The following HECW1 variants were observed in gnomAD, a reference collection of about 807,000 sequenced individuals.
HECW1 encodes HECT, C2 and WW domain containing E3 ubiquitin protein ligase 1.
HECW1 carries 61 observed loss-of-function variants against 182.3 expected under a neutral mutation model. That is an observed-to-expected ratio of 0.33 (90% CI 0.27 to 0.41). The LOEUF (loss-of-function observed/expected upper bound fraction) is 0.41. Ranked by LOEUF, HECW1 falls within the 10% of genes least tolerant of loss-of-function variation. The pLI, the probability that HECW1 is intolerant of heterozygous loss-of-function variation, is 1.00. For missense variants in HECW1, 1,739 were observed against 2,108.9 expected, an observed-to-expected ratio of 0.82 and a Z score of 3.44; for synonymous variants, 859 against 832.6, an observed-to-expected ratio of 1.03 and a Z score of -0.55.
intron 2 of HECW1, among the ~76,000 whole-genome samples, chr7:43,198,378 C>T (rs549472371): frequency 4.0e-5 from 6 of 149,936 alleles, no homozygotes; most frequent in Admixed American, 1.3e-4. Flanking sequence ...CTCACACACA[C>T]GTCTTACACA....
intron 6 of HECW1, among the ~76,000 whole-genome samples, chr7:43,375,467 A>G (rs1473791471): frequency 6.6e-6 from 1 of 152,220 alleles, no homozygotes; most frequent in Non-Finnish European, 1.5e-5. Flanking sequence ...GAAACTAATT[A>G]CTTATAAAGA....
At chr7:43,139,945 AGTT>A (rs1199902977) in intron 2 of HECW1, among the ~76,000 whole-genome samples, 2 of 152,188 alleles carry the variant, frequency 1.3e-5, no homozygotes, top group African/African-American at 4.8e-5. Context: ...CTTGGTGATA[AGTT>A]GTTGTAAGTA....
Position 43,508,142 on chromosome 7 carries a change from A to G in HECW1, c.3866+11A>G, listed in dbSNP as rs948199723. 8 of 1,598,006 alleles carry G rather than the reference A, an allele frequency of 5.0e-6. No individual in the cohort carries two copies. The highest frequency in any genetic ancestry group is 3.3e-5 in the Admixed American group (2 of 59,956). The stretch of plus-strand genomic sequence containing the variant: ...TGTTGGAGAGGAGGGGTGAGGCACC[A>G]GGAGTTTTATGCAGACACCTAAGCA... On this transcript the variant is annotated intron_variant, in intron 23 of 29. Transcript: ENST00000395891.
intron 15 of HECW1, among the ~76,000 whole-genome samples, 168 bp from the exon 16 acceptor site, chr7:43,468,752 G>T (rs186849695): frequency 2.0e-5 from 3 of 152,246 alleles, no homozygotes; most frequent in Non-Finnish European, 4.4e-5. Flanking sequence ...GAATTCCTGG[G>T]TGTTTACTTC....
At chr7:43,357,145 C>T (rs984272008) in intron 5 of HECW1, among the ~76,000 whole-genome samples, 3 of 152,114 alleles carry the variant, frequency 2.0e-5, no homozygotes. Flanking sequence ...TAAATTAGTA[C>T]AGCCACTATG....
chr7:43,334,304 C>T (rs1054575886), intron 5 of HECW1, among the ~76,000 whole-genome samples: 1 of 152,198 alleles, frequency 6.6e-6, no homozygotes, highest in Non-Finnish European at 1.5e-5. Context: ...ATGGTGCCAG[C>T]TACATTGTCC....
At chr7:43,462,579 T>C (rs1040306741) in intron 13 of HECW1, among the ~76,000 whole-genome samples, 6 of 152,308 alleles carry the variant, frequency 3.9e-5, no homozygotes, top group Middle Eastern at 3.4e-3. Flanking sequence ...GGGGTGGGGC[T>C]GGCAGTCTGT....
At chr7:43,237,242 A>G (rs925757884) in intron 2 of HECW1, among the ~76,000 whole-genome samples, 1 of 152,132 alleles carries the variant, frequency 6.6e-6, no homozygotes, top group African/African-American at 2.4e-5. Context: ...GTTCTGGGGA[A>G]AAGGGACATT....
At chr7:43,359,772 A>G (rs1031767542) in intron 5 of HECW1, among the ~76,000 whole-genome samples, 2 of 152,230 alleles carry the variant, frequency 1.3e-5, no homozygotes, top group African/African-American at 2.4e-5. Context: ...AAATTTCCAT[A>G]TTTGAGAAAA....
chr7:43,473,390 C>T (rs2078098692), intron 16 of HECW1, among the ~76,000 whole-genome samples: 1 of 152,074 alleles, frequency 6.6e-6, no homozygotes, highest in Non-Finnish European at 1.5e-5. Context: ...AAGCCATTCT[C>T]CAGATGGATC....
intron 5 of HECW1, among the ~76,000 whole-genome samples, chr7:43,331,292 A>T (rs987637008): frequency 2.2e-4 from 34 of 152,190 alleles, no homozygotes; most frequent in African/African-American, 8.2e-4. Context: ...AGCTTCATCC[A>T]TGTAAGATCG....
rs113429370 is a variant in HECW1 at position 43,325,572 on chromosome 7, C to T, written c.460+4830C>T. Among the ~76,000 whole-genome samples the T allele has an allele frequency of 4.6e-5, 7 of 152,302 alleles. 1 individual carries two copies. The highest frequency in any genetic ancestry group is 1.7e-4 in the African/African-American group (7 of 41,564). On this transcript the variant is annotated intron_variant, in intron 5 of 29. Coordinates refer to ENST00000395891, the MANE Select transcript of HECW1 (RefSeq NM_015052.5). ...GTGTGTCTGGACTGACCTCTGATTACAGCAAAAAGAGACCACTGCCAAAGG... is the reference window on the plus strand; with the variant it reads ...GTGTGTCTGGACTGACCTCTGATTATAGCAAAAAGAGACCACTGCCAAAGG...
chr7:43,249,741 C>G (rs573139282), intron 3 of HECW1, among the ~76,000 whole-genome samples: 1 of 152,184 alleles, frequency 6.6e-6, no homozygotes, highest in African/African-American at 2.4e-5. Context: ...GGATTTTGTT[C>G]AAGCAAAGGA....
intron 2 of HECW1, among the ~76,000 whole-genome samples, chr7:43,137,564 ATTTG>A (rs1459748859): frequency 5.7e-4 from 83 of 144,428 alleles, no homozygotes; most frequent in African/African-American, 2.1e-3. Context: ...TTATTTATTT[ATTTG>A]AGACAGGGTC....
At chr7:43,191,197 A>T (rs1793889450) in intron 2 of HECW1, among the ~76,000 whole-genome samples, 1 of 152,204 alleles carries the variant, frequency 6.6e-6, no homozygotes, top group African/African-American at 2.4e-5. Flanking sequence ...AGTCAAGTTC[A>T]TGTGTCCTGT....
In HECW1 at chr7:43,130,464, A is replaced by G. The variant is rs551003761; in HGVS notation, c.-32+16073A>G. 4.7e-3 allele frequency among the ~76,000 whole-genome samples: 723 copies of G among 152,364 alleles called. 11 individuals are homozygous for G. The highest frequency in any genetic ancestry group is 3.4e-3 in the Non-Finnish European group (230 of 68,026). ...AAGGGTGTCACTATCTCAGGCACCC[A>G]TGTGGACAGTCTGTGGGTGTTTGAC... is the stretch of plus-strand genomic sequence containing the variant. On this transcript the variant is annotated intron_variant, in intron 2 of 29. Coordinates refer to ENST00000395891, the MANE Select transcript of HECW1 (RefSeq NM_015052.5).
intron 6 of HECW1, among the ~76,000 whole-genome samples, chr7:43,380,612 C>G (rs899075218): frequency 1.3e-5 from 2 of 152,054 alleles, no homozygotes; most frequent in Non-Finnish European, 2.9e-5. Context: ...ACTGCAACCT[C>G]CATCTCCTGG....
intron 2 of HECW1, among the ~76,000 whole-genome samples, chr7:43,166,274 G>C (rs1402630850): frequency 6.6e-6 from 1 of 152,110 alleles, no homozygotes; most frequent in Non-Finnish European, 1.5e-5. Context: ...GTAGAGATGG[G>C]GTTTTGCTAT....
intron 2 of HECW1, among the ~76,000 whole-genome samples, chr7:43,175,361 A>G (rs1001421214): frequency 6.6e-6 from 1 of 151,832 alleles, no homozygotes; most frequent in African/African-American, 2.4e-5. Flanking sequence ...TGAACTTACT[A>G]CTCTTCTTAA....
Sources: gnomAD v4.1 joint callset for allele counts (sites outside exome capture counted in the v4.1 genomes callset) on GRCh38, gnomAD v4.1.1 for gene constraint, MANE v1.5 for transcripts, NCBI Gene and HGNC (gene_info 2026-07-23, HGNC 2026-07-21) for gene names.